SLMAP: variants seen among roughly 807,000 people sequenced by gnomAD.
The protein encoded by SLMAP is sarcolemmal membrane-associated protein.
A neutral mutation model predicts 128.8 loss-of-function variants in SLMAP; 44 were observed. The ratio of observed to expected loss-of-function variants is 0.34; its 90% CI spans 0.27 to 0.44. The LOEUF (loss-of-function observed/expected upper bound fraction) is 0.44. Among genes scored for constraint, SLMAP ranks in the 20% least tolerant of loss-of-function variants. SLMAP has a pLI of 1.00. For synonymous variants in SLMAP, 327 were observed against 348.8 expected, an observed-to-expected ratio of 0.94 and a Z score of 0.70; for missense variants, 787 against 985.3, an observed-to-expected ratio of 0.80 and a Z score of 2.69.
chr3:57,925,976 C>A, intron 24 of SLMAP, 42 bp downstream of exon 24: 1 of 1,407,212 alleles, frequency 7.1e-7, no homozygotes, highest in South Asian at 1.2e-5. Flanking sequence ...TTGTCCCCGT[C>A]ACCTTTTTGT....
At chr3:57,841,915 A>G (rs777566972) in intron 4 of SLMAP, among the ~76,000 whole-genome samples, 10 of 152,158 alleles carry the variant, frequency 6.6e-5, no homozygotes, top group Non-Finnish European at 1.2e-4. Flanking sequence ...TACCCATAAA[A>G]TCTAGATTTT....
At chr3:57,911,004 T>C (rs2096680498) in intron 19 of SLMAP, among the ~76,000 whole-genome samples, 1 of 152,226 alleles carries the variant, frequency 6.6e-6, no homozygotes, top group African/African-American at 2.4e-5. Context: ...ATGTCATATG[T>C]GTTTTTAAAT....
intron 4 of SLMAP, among the ~76,000 whole-genome samples, chr3:57,845,333 C>T (rs1026425988): frequency 6.6e-6 from 1 of 152,146 alleles, no homozygotes; most frequent in Non-Finnish European, 1.5e-5. Context: ...AAGTCTGTAT[C>T]ATGGGTGCTC....
intron 4 of SLMAP, among the ~76,000 whole-genome samples, chr3:57,845,154 C>T (rs1020713506): frequency 6.6e-6 from 1 of 152,030 alleles, no homozygotes; most frequent in Non-Finnish European, 1.5e-5. Context: ...ATGCCTATTT[C>T]AATGTTCTGG....
intron 2 of SLMAP, among the ~76,000 whole-genome samples, chr3:57,817,870 C>T (rs1305803685): frequency 6.6e-6 from 1 of 152,168 alleles, no homozygotes; most frequent in Non-Finnish European, 1.5e-5. Context: ...GCTTACCTTT[C>T]CTGATGATTT....
In SLMAP at chr3:57,865,265, C is replaced by A. The variant is rs758441354; in HGVS notation, c.1210C>A (p.Pro404Thr). 1 of 1,485,508 alleles carries A rather than the reference C, an allele frequency of 6.7e-7. No individual in the cohort carries two copies. 92.0% of individuals were successfully genotyped at this position (1,485,508 alleles called of 1,614,324 possible). Residue 404 changes from proline to threonine, a missense_variant, in exon 13 of 25, where the codon CCT becomes ACT. This residue lies in a region of SLMAP where 715 missense variants were observed against 843.6 expected (regional missense o/e 0.85). Transcript: ENST00000671191. ...SLGIQVDDFLPKINGSTEKEH... is the reference protein window; with the variant it reads ...SLGIQVDDFLTKINGSTEKEH... ...AGGGATACAAGTTGATGACTTCTTA[C>A]CTAAAATAAATGGGAGCACAGAAAA... is the stretch of plus-strand genomic sequence containing the variant.
chr3:57,906,300 C>CTTTTTTTT (rs112949836), intron 17 of SLMAP, among the ~76,000 whole-genome samples: 14 of 71,264 alleles, frequency 2.0e-4, no homozygotes, highest in East Asian at 9.5e-4. Context: ...AAATTTTTTT[C>CTTTTTTTT]TTTTTTTTTC....
At chr3:57,892,606 A>G (rs1237663279) in intron 15 of SLMAP, among the ~76,000 whole-genome samples, 1 of 152,092 alleles carries the variant, frequency 6.6e-6, no homozygotes, top group African/African-American at 2.4e-5. Flanking sequence ...ATGTAACTAT[A>G]GTATCAGGAC....
intron 14 of SLMAP, among the ~76,000 whole-genome samples, chr3:57,882,480 G>A (rs1457085101): frequency 6.6e-6 from 1 of 152,226 alleles, no homozygotes; most frequent in Non-Finnish European, 1.5e-5. Flanking sequence ...CCCTAAGACT[G>A]AGATTGGAGT....
chr3:57,864,522 A>G (rs1356224178), intron 10 of SLMAP, 26 bp from the exon 11 acceptor site: 5 of 1,523,962 alleles, frequency 3.3e-6, no homozygotes, highest in Admixed American at 4.6e-5. Flanking sequence ...GGTTTGTTAA[A>G]TAACTGAATT....
intron 3 of SLMAP, among the ~76,000 whole-genome samples, chr3:57,840,791 G>A (rs1356670355): frequency 1.3e-5 from 2 of 152,188 alleles, no homozygotes; most frequent in Admixed American, 6.5e-5. Context: ...TGTGGAAGCA[G>A]TTTCACTTGT....
At chr3:57,922,210 A>G (rs1164692075) in intron 22 of SLMAP, among the ~76,000 whole-genome samples, 5 of 152,188 alleles carry the variant, frequency 3.3e-5, no homozygotes, top group Admixed American at 2.6e-4. Context: ...TTACTAGGAT[A>G]TAAACTCAGG....
intron 2 of SLMAP, among the ~76,000 whole-genome samples, chr3:57,816,248 A>T (rs2091844391): frequency 6.6e-6 from 1 of 152,102 alleles, no homozygotes; most frequent in South Asian, 2.1e-4. Context: ...GGTTCAAGTT[A>T]TTCTCCTGCC....
intron 19 of SLMAP, among the ~76,000 whole-genome samples, chr3:57,910,116 A>G (rs142444791): frequency 2.6e-5 from 4 of 152,242 alleles, no homozygotes; most frequent in East Asian, 1.9e-4. Flanking sequence ...GCTTGCTGGT[A>G]TATGTATATA....
At chr3:57,760,533 G>T (rs540907762) in intron 2 of SLMAP, among the ~76,000 whole-genome samples, 3 of 152,182 alleles carry the variant, frequency 2.0e-5, no homozygotes, top group Non-Finnish European at 4.4e-5. Context: ...ACACTGTGAG[G>T]GATACAGTTC....
At chr3:57,790,329 A>G (rs1032925870) in intron 2 of SLMAP, among the ~76,000 whole-genome samples, 2 of 152,220 alleles carry the variant, frequency 1.3e-5, no homozygotes, top group Admixed American at 6.5e-5. Flanking sequence ...GGGAAGAATG[A>G]TTCTTACTTT....
chr3:57,916,434 C>T (rs942380175), intron 21 of SLMAP, among the ~76,000 whole-genome samples: 10 of 152,176 alleles, frequency 6.6e-5, no homozygotes, highest in Non-Finnish European at 1.5e-4. Flanking sequence ...GTCTTATGCT[C>T]TTTTCTCAAT....
intron 8 of SLMAP, among the ~76,000 whole-genome samples, chr3:57,859,320 C>CAAAA (rs555697911): frequency 5.8e-5 from 4 of 68,908 alleles, no homozygotes; most frequent in African/African-American, 2.1e-4. Flanking sequence ...GAGACTGTCT[C>CAAAA]AAAAAAAAAA....
At chr3:57,880,929 A>G (rs1020944422) in intron 14 of SLMAP, among the ~76,000 whole-genome samples, 1 of 152,058 alleles carries the variant, frequency 6.6e-6, no homozygotes, top group Non-Finnish European at 1.5e-5. Context: ...CAGTGGCTCA[A>G]GCCTGTAACC....
Sources: gnomAD v4.1 joint callset for allele counts (sites outside exome capture counted in the v4.1 genomes callset) on GRCh38, gnomAD v4.1.1 for gene constraint, gnomAD v4.1.1 regional missense constraint, MANE v1.5 for transcripts, NCBI Gene and HGNC (gene_info 2026-07-23, HGNC 2026-07-21) for gene names.